Variants in CALB2 observed in about 807,000 individuals in gnomAD.
CALB2 encodes calretinin.
A neutral mutation model predicts 45.9 loss-of-function variants in CALB2; 34 were observed. The ratio of observed to expected loss-of-function variants is 0.74; its 90% confidence interval spans 0.56 to 0.99. CALB2 has a LOEUF of 0.99. CALB2 is among the 50% of genes least tolerant of loss of function. The probability of loss-of-function intolerance (pLI) is 0.00; values close to 1 mark genes in which losing one functional copy is unlikely to be tolerated. For missense variants in CALB2, 344 were observed against 339.3 expected (o/e 1.01, Z -0.11); for synonymous variants, 142 against 129.6 (o/e 1.10, Z -0.65).
chr16:71,361,974 C>A (rs563211499), intron 1 of CALB2, among the ~76,000 whole-genome samples: 2 of 152,156 alleles, frequency 1.3e-5, no homozygotes, highest in Non-Finnish European at 2.9e-5. Context: ...CAAGAGCATG[C>A]GTTTGGGAGG....
chr16:71,373,040 G>A (rs150400968), intron 2 of CALB2, among the ~76,000 whole-genome samples: 68 of 152,280 alleles, frequency 4.5e-4, no homozygotes, highest in African/African-American at 1.4e-3. Flanking sequence ...TGGTGCCAAC[G>A]TGGCACTACT....
rs1463483745 is a variant in CALB2, at chr16:71,389,871, G to A, written c.*6G>A. On this transcript the variant is annotated 3_prime_UTR_variant, in exon 11 of 11. Transcript: ENST00000302628. ...GCAGCGAGCCCCCCATGTAAAGTGG[G>A]GACGGGGGCTGCTTCTCCACCTCCC... is the stretch of plus-strand genomic sequence containing the variant. 6.3e-7 allele frequency: 1 copy of A among 1,597,154 alleles called. No homozygotes were observed. Among genetic ancestry groups the A allele is most frequent in the East Asian group, 2.2e-5 (1 of 44,784 alleles).
chr16:71,384,497 A>G, intron 8 of CALB2, 119 bp downstream of exon 8: 1 of 816,762 alleles, frequency 1.2e-6, no homozygotes, highest in Non-Finnish European at 2.1e-6. Flanking sequence ...CACCACACAC[A>G]CACAAAACAC....
chr16:71,358,834 C>T lies in CALB2; in HGVS notation c.42C>T (p.Ala14=), dbSNP rs756045977. The change falls in exon 1 of 11, where the codon GCC becomes GCT. Residue 14 remains alanine, a synonymous_variant. Transcript: ENST00000302628. ...AGCAGCCCCCTTACCTGCACCTGGC[C>T]GAGCTGACGGCGTCCCAGTTCCTGG... The part of the protein sequence containing the change: ...PQQQPPYLHL[A]ELTASQFLEI... The T allele has an allele frequency of 2.5e-6, 4 of 1,612,648 alleles. No individual in the cohort carries two copies. Among genetic ancestry groups the T allele is most frequent in the Non-Finnish European group, 3.4e-6 (4 of 1,179,764 alleles).
intron 10 of CALB2, among the ~76,000 whole-genome samples, chr16:71,387,152 T>G (rs1340187369): frequency 6.6e-6 from 1 of 152,216 alleles, no homozygotes; most frequent in Non-Finnish European, 1.5e-5. Flanking sequence ...AGACATGCAT[T>G]AAATCTCAGA....
chr16:71,373,565 C>G (rs897637332), intron 2 of CALB2, among the ~76,000 whole-genome samples: 1 of 152,212 alleles, frequency 6.6e-6, no homozygotes, highest in African/African-American at 2.4e-5. Context: ...GGGTAATTTT[C>G]AAGTCTGTCA....
rs2042620633 is a variant in CALB2 at position 71,390,105 on chromosome 16, G to A, written c.*240G>A. On this transcript the variant is annotated 3_prime_UTR_variant, in exon 11 of 11. Transcript: ENST00000302628. ...GTGGATCACACACATGGAAGGTGAT[G>A]GGGGCATGGGTGGAGGGTCCCTAAT... 1 of 501,156 alleles carries A rather than the reference G, an allele frequency of 2.0e-6. No homozygotes were observed. The highest frequency in any genetic ancestry group is 3.2e-5 in the East Asian group (1 of 31,616). The allele number at this position is 501,156 out of a possible 1,614,324, so 31.0% of individuals were successfully genotyped here.
In CALB2 at chr16:71,384,043, G is replaced by C. The variant is rs186054618; in HGVS notation, c.533+18G>C. 6.2e-7 allele frequency: 1 copy of C among 1,612,934 alleles called. No homozygotes were observed. Among genetic ancestry groups the C allele is most frequent in the Admixed American group, 1.7e-5 (1 of 59,992 alleles). ...ATGTCCCGGTAAGCACCTCACCCCC[G>C]GGGTCACTGATACTGGCTCCCACAG... On this transcript the variant is annotated intron_variant, in intron 7 of 10. Transcript: ENST00000302628.
intron 1 of CALB2, among the ~76,000 whole-genome samples, chr16:71,361,123 G>A (rs572965523): frequency 1.3e-5 from 2 of 152,218 alleles, no homozygotes; most frequent in African/African-American, 4.8e-5. Context: ...CTCCTGCTCC[G>A]GGGTGAAGGG....
chr16:71,375,212 C>T (rs1191872996), intron 3 of CALB2, among the ~76,000 whole-genome samples: 2 of 152,220 alleles, frequency 1.3e-5, no homozygotes, highest in South Asian at 2.1e-4. Context: ...ATAATTTACA[C>T]ACATATATAC....
intron 1 of CALB2, among the ~76,000 whole-genome samples, chr16:71,371,388 G>A (rs1339695332): frequency 6.6e-6 from 1 of 152,144 alleles, no homozygotes; most frequent in African/African-American, 2.4e-5. Context: ...TTATAGCAAG[G>A]CACTACAAAC....
In CALB2 at chr16:71,389,811, G is replaced by A. The variant is rs1029324530; in HGVS notation, c.762G>A (p.Gly254=). The A allele has an allele frequency of 6.2e-7, 1 of 1,613,944 alleles. No individual in the cohort carries two copies. Among genetic ancestry groups the A allele is most frequent in the African/African-American group, 1.3e-5 (1 of 74,920 alleles). Reference sequence around the variant, plus strand: ...GCGTCATGTCCTTGGCAGAGGCAGGGAAGCTCTACCGCAAGGACCTGGAGA... The same window carrying A: ...GCGTCATGTCCTTGGCAGAGGCAGGAAAGCTCTACCGCAAGGACCTGGAGA... ...RKSVMSLAEA[G]KLYRKDLEIV... Residue 254 remains glycine (G), a synonymous_variant, in exon 11 of 11, where the codon GGG becomes GGA. Transcript: ENST00000302628.
chr16:71,370,974 C>A (rs1353960935), intron 1 of CALB2, among the ~76,000 whole-genome samples: 1 of 152,218 alleles, frequency 6.6e-6, no homozygotes, highest in Admixed American at 6.5e-5. Flanking sequence ...ACCTCGGGAC[C>A]TGGTTCTGAT....
At chr16:71,386,865 C>T (rs899074330) in intron 10 of CALB2, among the ~76,000 whole-genome samples, 4 of 152,152 alleles carry the variant, frequency 2.6e-5, no homozygotes, top group Non-Finnish European at 4.4e-5. Context: ...TCATTTATTT[C>T]ATCTTTTTTA....
intron 4 of CALB2, among the ~76,000 whole-genome samples, chr16:71,380,287 C>CA (rs2042473203): frequency 1.1e-5 from 1 of 87,096 alleles, no homozygotes; most frequent in Non-Finnish European, 2.3e-5. Flanking sequence ...TCTTTCCTTC[C>CA]TTTTCTTTTT....
At chr16:71,358,914 C>T (rs371484836) in intron 1 of CALB2, 28 bp downstream of exon 1, 135 of 1,591,868 alleles carry the variant, frequency 8.5e-5, no homozygotes, top group Non-Finnish European at 1.0e-4. Context: ...CTTCTGTGCC[C>T]ATTGGCACCC....
rs147219246 is a variant in CALB2 at position 71,384,814 on chromosome 16, C to A, written c.605C>A (p.Ala202Glu). ...AAGCTGACCTCAGAGGAGTTTAACG[C>A]GATCTTCACATTTTACGACAAGGTA... ...GMKLTSEEFN[A>E]IFTFYDKDRS... Residue 202 changes from alanine (A) to glutamate (E), a missense_variant, in exon 9 of 11, where the codon GCG becomes GAG. Ala to Glu is a moderately radical substitution (Grantham distance 107). Transcript: ENST00000302628. 5 of 1,612,256 alleles carry A rather than the reference C, an allele frequency of 3.1e-6. No homozygotes were observed. Among genetic ancestry groups the A allele is most frequent in the South Asian group, 1.1e-5 (1 of 91,008 alleles).
At chr16:71,363,297 A>ATACTC (rs1245498497) in intron 1 of CALB2, among the ~76,000 whole-genome samples, 1 of 152,194 alleles carries the variant, frequency 6.6e-6, no homozygotes, top group African/African-American at 2.4e-5. Context: ...GGATCTGCCT[A>ATACTC]TACTCTTCTG....
chr16:71,369,672 G>A (rs1360372716), intron 1 of CALB2, among the ~76,000 whole-genome samples: 2 of 152,198 alleles, frequency 1.3e-5, no homozygotes, highest in East Asian at 3.8e-4. Flanking sequence ...CGTGGTGCCA[G>A]CTCTGAGCCC....
Sources: allele counts gnomAD v4.1 joint callset (sites outside exome capture counted in the v4.1 genomes callset), GRCh38; gene constraint gnomAD v4.1.1; transcripts MANE v1.5; gene names NCBI Gene and HGNC (gene_info 2026-07-23, HGNC 2026-07-21).